The following ZRANB3 variants were observed in gnomAD, a reference collection of about 807,000 sequenced individuals.
ZRANB3 encodes DNA annealing helicase and endonuclease ZRANB3.
In ZRANB3, 125 loss-of-function variants were observed where a neutral mutation model predicts 133.8. The observed-to-expected ratio is 0.93, with a 90% confidence interval of 0.81 to 1.08. The LOEUF is 1.08. Among genes scored for constraint, ZRANB3 ranks in the 50% least tolerant of loss-of-function variants. The probability of loss-of-function intolerance (pLI) is 0.00; values close to 1 mark genes in which losing one functional copy is unlikely to be tolerated. For synonymous variants in ZRANB3, 387 were observed against 432.7 expected (o/e 0.89, Z 1.31); for missense variants, 1,229 against 1,275.5 (o/e 0.96, Z 0.56).
intron 2 of ZRANB3, among the ~76,000 whole-genome samples, chr2:135,441,226 C>T (rs964258198): frequency 6.6e-6 from 1 of 152,028 alleles, no homozygotes; most frequent in African/African-American, 2.4e-5. Flanking sequence ...ATATTAAAAG[C>T]AGAAAGAGAA....
chr2:135,529,194 G>A (rs777194423), intron 1 of ZRANB3, among the ~76,000 whole-genome samples: 4 of 152,180 alleles, frequency 2.6e-5, no homozygotes, highest in African/African-American at 4.8e-5. Context: ...GAATTTATCT[G>A]AGAAAGTCTC....
Position 135,497,352 on chromosome 2 carries a change from G to T in ZRANB3, c.161+6977C>A, listed in dbSNP as rs1020456008. On this transcript the variant is annotated intron_variant, in intron 2 of 20. Transcript: ENST00000264159. Reference sequence around the variant, plus strand: ...ACCAGAATATTTATTATAAAGCTACGCTAAGAAGTATGAAGAAGTATGGTA... The same window carrying T: ...ACCAGAATATTTATTATAAAGCTACTCTAAGAAGTATGAAGAAGTATGGTA... Among the ~76,000 whole-genome samples the T allele has an allele frequency of 2.6e-5, 4 of 152,282 alleles. No individual in the cohort carries two copies. The South Asian group carries it at 6.2e-4, about 24-fold the overall frequency.
At chr2:135,424,015 A>G (rs182415137) in intron 2 of ZRANB3, among the ~76,000 whole-genome samples, 2 of 152,310 alleles carry the variant, frequency 1.3e-5, no homozygotes, top group Admixed American at 6.5e-5. Context: ...ATCACTAGAC[A>G]TTTAAGAACA....
rs145246776 is a variant in ZRANB3 at position 135,491,992 on chromosome 2, C to A, written c.161+12337G>T. Among the ~76,000 whole-genome samples, 451 of 152,200 alleles carry A rather than the reference C, an allele frequency of 3.0e-3. 2 individuals are homozygous for A. The highest frequency in any genetic ancestry group is 0.01 in the African/African-American group (427 of 41,528). ...AAACAATACGTAATAAAATAGAGAA[C>A]AGAGTATATTACACAAAACATTAGT... On this transcript the variant is annotated intron_variant, in intron 2 of 20. Transcript: ENST00000264159.
intron 2 of ZRANB3, among the ~76,000 whole-genome samples, chr2:135,450,146 G>C (rs1018063500): frequency 6.6e-6 from 1 of 152,074 alleles, no homozygotes; most frequent in Non-Finnish European, 1.5e-5. Flanking sequence ...CAAAGGTGGA[G>C]TCTCTTGCAA....
chr2:135,367,984 A>G (rs1686011257), intron 3 of ZRANB3, among the ~76,000 whole-genome samples: 1 of 152,152 alleles, frequency 6.6e-6, no homozygotes, highest in Non-Finnish European at 1.5e-5. Flanking sequence ...AGAATTAGTA[A>G]TAGCTCCAAA....
chr2:135,382,104 A>G (rs529814607), intron 3 of ZRANB3, among the ~76,000 whole-genome samples: 2 of 152,178 alleles, frequency 1.3e-5, no homozygotes, highest in South Asian at 4.1e-4. Context: ...AAAAAAGATT[A>G]GACGAAGGGC....
intron 2 of ZRANB3, among the ~76,000 whole-genome samples, chr2:135,429,323 G>A (rs995167502): frequency 6.6e-6 from 1 of 152,192 alleles, no homozygotes; most frequent in African/African-American, 2.4e-5. Context: ...ATCAATGGGA[G>A]CTTATCAACA....
intron 2 of ZRANB3, among the ~76,000 whole-genome samples, chr2:135,406,052 C>A (rs552419587): frequency 2.0e-4 from 30 of 151,988 alleles, no homozygotes; most frequent in African/African-American, 5.5e-4. Flanking sequence ...TTGAGAAGAA[C>A]AACAAAATTG....
chr2:135,312,469 C>G (rs1683042122), intron 8 of ZRANB3, among the ~76,000 whole-genome samples: 1 of 152,174 alleles, frequency 6.6e-6, no homozygotes, highest in Non-Finnish European at 1.5e-5. Context: ...AGAGGGGTGA[C>G]ACTCGTCAGT....
In ZRANB3 at chr2:135,408,196, T is replaced by C. The variant is rs534272601; in HGVS notation, c.162-17376A>G. Among the ~76,000 whole-genome samples, 34 of 151,926 alleles carry C rather than the reference T, an allele frequency of 2.2e-4. No individual in the cohort carries two copies. In the South Asian group the frequency reaches 5.8e-3, roughly 26 times the overall value. On this transcript the variant is annotated intron_variant, in intron 2 of 20. Coordinates refer to ENST00000264159, the MANE Select transcript of ZRANB3 (RefSeq NM_032143.4). ...AACAGACACTTCTCAAAAGAAGACG[T>C]TTATGCAGCCAAAAGACACATGAAA... is the stretch of plus-strand genomic sequence containing the variant.
chr2:135,296,456 G>A (rs2104802509), intron 8 of ZRANB3, among the ~76,000 whole-genome samples: 1 of 152,046 alleles, frequency 6.6e-6, no homozygotes, highest in African/African-American at 2.4e-5. Context: ...TTTGTGCATT[G>A]GTTATTCTAG....
chr2:135,290,100 T>C (rs1381233841), intron 8 of ZRANB3, among the ~76,000 whole-genome samples: 17 of 152,200 alleles, frequency 1.1e-4, no homozygotes, highest in Admixed American at 1.1e-3. Context: ...TATGTACATA[T>C]CTGTTATGTC....
chr2:135,234,042 G>A (rs527329690), intron 12 of ZRANB3, among the ~76,000 whole-genome samples: 2 of 152,270 alleles, frequency 1.3e-5, no homozygotes, highest in South Asian at 4.1e-4. Context: ...CTGTATTCAG[G>A]AAACCCATCT....
intron 3 of ZRANB3, among the ~76,000 whole-genome samples, chr2:135,382,022 G>C (rs576651280): frequency 1.3e-5 from 2 of 152,300 alleles, no homozygotes; most frequent in South Asian, 2.1e-4. Context: ...AGAGAAGAAG[G>C]CTTCAGACGA....
At chr2:135,443,063 C>G (rs1689853131) in intron 2 of ZRANB3, among the ~76,000 whole-genome samples, 1 of 151,346 alleles carries the variant, frequency 6.6e-6, no homozygotes, top group Non-Finnish European at 1.5e-5. Flanking sequence ...TTGCAGTGAG[C>G]CAAGATCCCG....
At chr2:135,318,260 A>T (rs368704074) in intron 6 of ZRANB3, among the ~76,000 whole-genome samples, 1 of 81,340 alleles carries the variant, frequency 1.2e-5, no homozygotes. Flanking sequence ...GTGTGTGTGT[A>T]TTGGGGGCAG....
intron 2 of ZRANB3, among the ~76,000 whole-genome samples, chr2:135,483,579 A>G (rs2104796635): frequency 6.6e-6 from 1 of 151,846 alleles, no homozygotes; most frequent in Non-Finnish European, 1.5e-5. Context: ...TGGATTCATT[A>G]ATTTTTTGAA....
chr2:135,273,555 G>A (rs1351435447), intron 9 of ZRANB3, among the ~76,000 whole-genome samples: 1 of 150,352 alleles, frequency 6.7e-6, no homozygotes, highest in Non-Finnish European at 1.5e-5. Context: ...TTTTTTTTGA[G>A]ACGAAGTTTT....
Sources: allele counts gnomAD v4.1 joint callset (sites outside exome capture counted in the v4.1 genomes callset), GRCh38; gene constraint gnomAD v4.1.1; transcripts MANE v1.5; gene names NCBI Gene and HGNC (gene_info 2026-07-23, HGNC 2026-07-21).